The following MATN2 variants were observed in gnomAD, a reference collection of about 807,000 sequenced individuals.
The protein encoded by MATN2 is matrilin 2, also known as matrilin-2.
Under a neutral mutation model 103.2 loss-of-function variants are expected in MATN2, and 69 were observed. That is an observed-to-expected ratio of 0.67 (90% confidence interval 0.55 to 0.82). MATN2 has a LOEUF of 0.82. Ranked by LOEUF, MATN2 falls within the 40% of genes least tolerant of loss-of-function variation. The pLI is 0.00. For missense variants in MATN2, 1,023 were observed against 1,211.5 expected, an observed-to-expected ratio of 0.84 and a Z score of 2.31; for synonymous variants, 429 against 450.2, an observed-to-expected ratio of 0.95 and a Z score of 0.60.
intron 6 of MATN2, among the ~76,000 whole-genome samples, chr8:97,991,202 A>G (rs778291762): frequency 1.3e-5 from 2 of 152,210 alleles, no homozygotes; most frequent in Non-Finnish European, 2.9e-5. Context: ...GCCACTGAGC[A>G]CTTGAGATAC....
intron 17 of MATN2, 35 bp downstream of exon 17, chr8:98,033,211 T>C (rs1411178819): frequency 1.3e-6 from 2 of 1,554,258 alleles, no homozygotes; most frequent in Admixed American, 2.0e-5. Context: ...TAAGATAACT[T>C]GATCTCAGCC....
intron 4 of MATN2, among the ~76,000 whole-genome samples, chr8:97,946,402 G>C (rs942433201): frequency 1.7e-4 from 26 of 152,038 alleles, no homozygotes; most frequent in African/African-American, 5.3e-4. Flanking sequence ...CTTTCAAAAA[G>C]TCTTCCCTGT....
At chr8:98,025,165 T>G (rs1266375380) in intron 13 of MATN2, 1 of 152,206 alleles carries the variant, frequency 6.6e-6, no homozygotes, top group Non-Finnish European at 1.5e-5. Context: ...AAGCTTTGAG[T>G]TGGCCTTTTC....
intron 7 of MATN2, among the ~76,000 whole-genome samples, chr8:97,999,861 C>CTTTTTT (rs71271182): frequency 1.4e-5 from 2 of 138,434 alleles, no homozygotes; most frequent in Non-Finnish European, 3.1e-5. Flanking sequence ...GTCACGGATT[C>CTTTTTT]TTTTTTTTTT....
At chr8:97,881,326 C>CAGA (rs1818246833) in intron 1 of MATN2, among the ~76,000 whole-genome samples, 1 of 152,194 alleles carries the variant, frequency 6.6e-6, no homozygotes, top group African/African-American at 2.4e-5. Flanking sequence ...TGCAGGTGTG[C>CAGA]AGAACCAGGC....
At chr8:97,902,192 T>TA (rs1028995495) in intron 2 of MATN2, among the ~76,000 whole-genome samples, 7 of 147,508 alleles carry the variant, frequency 4.7e-5, no homozygotes, top group African/African-American at 7.5e-5. Flanking sequence ...TTTTTTTTTT[T>TA]AACAAAAAGT....
At chr8:98,022,350 C>T (rs1008019652) in intron 13 of MATN2, among the ~76,000 whole-genome samples, 2 of 115,424 alleles carry the variant, frequency 1.7e-5, no homozygotes, top group Admixed American at 2.0e-4. Flanking sequence ...AATGTGTATA[C>T]CCTTATGCAC....
intron 4 of MATN2, among the ~76,000 whole-genome samples, chr8:97,949,411 T>G (rs1820522804): frequency 2.0e-5 from 3 of 152,006 alleles, no homozygotes; most frequent in African/African-American, 7.2e-5. Flanking sequence ...TGAACTCAGA[T>G]CATCTGTCCA....
intron 1 of MATN2, among the ~76,000 whole-genome samples, chr8:97,874,555 G>A (rs1036201989): frequency 6.6e-6 from 1 of 151,842 alleles, no homozygotes; most frequent in Non-Finnish European, 1.5e-5. Context: ...CAAGGATTGT[G>A]CCACCATGTC....
chr8:97,895,746 G>A (rs139962255), intron 2 of MATN2, among the ~76,000 whole-genome samples: 2 of 152,332 alleles, frequency 1.3e-5, no homozygotes, highest in African/African-American at 2.4e-5. Flanking sequence ...GGGTTGGGAC[G>A]TGTTATCTCA....
At chr8:98,011,186 T>A (rs151100523) in intron 10 of MATN2, among the ~76,000 whole-genome samples, 4 of 152,268 alleles carry the variant, frequency 2.6e-5, no homozygotes, top group Non-Finnish European at 4.4e-5. Context: ...TCTCTTCTTA[T>A]AAGAACACTA....
intron 3 of MATN2, among the ~76,000 whole-genome samples, chr8:97,936,959 G>T (rs1459217824): frequency 6.6e-6 from 1 of 152,172 alleles, no homozygotes; most frequent in African/African-American, 2.4e-5. Flanking sequence ...AAAAGGAGGG[G>T]GGAGTGCATT....
intron 1 of MATN2, among the ~76,000 whole-genome samples, chr8:97,885,717 C>T (rs920439723): frequency 6.6e-5 from 10 of 151,930 alleles, no homozygotes; most frequent in Admixed American, 3.9e-4. Context: ...GGGGATCCCT[C>T]GAGCCTGGGA....
chr8:97,914,358 CTTTTTTTTTTTTTTTT>C lies in MATN2; in HGVS notation c.143-16580_143-16565del, dbSNP rs149996231. 1.5e-4 allele frequency among the ~76,000 whole-genome samples: 8 copies of C among 52,994 alleles called. No individual in the cohort carries two copies. The South Asian group carries it at 5.0e-3, about 33-fold the overall frequency. The allele number at this position is 52,994 out of a possible 152,430, so 34.8% of individuals were successfully genotyped here. On this transcript the variant is annotated intron_variant, in intron 2 of 18. Transcript: ENST00000254898. The stretch of plus-strand genomic sequence containing the variant: ...TCGTTTGTCCTAATAAAATCCAGAC[CTTTTTTTTTTTTTTTT>C]TTTTTTTTTTTTTTGGAACAGGGTC...
intron 7 of MATN2, among the ~76,000 whole-genome samples, chr8:97,995,212 G>C (rs1487783915): frequency 6.6e-6 from 1 of 152,176 alleles, no homozygotes; most frequent in Non-Finnish European, 1.5e-5. Flanking sequence ...CCATTCCTGA[G>C]AGACTGCTAG....
rs1162566448 is a variant in MATN2 at position 98,005,118 on chromosome 8, C to T, written c.1327+1335C>T. ...TCCACGCTGCCAGCAGGGAAGTTTC[C>T]CAGATGAAATAAGAGGTCCAGGGCA... On this transcript the variant is annotated intron_variant, in intron 8 of 18. Coordinates refer to ENST00000254898, the MANE Select transcript of MATN2 (RefSeq NM_002380.5). The surrounding 1 kb of genome is among the most constrained non-coding windows in gnomAD (Gnocchi z 4.6). 6.6e-6 allele frequency among the ~76,000 whole-genome samples: 1 copy of T among 152,184 alleles called. No individual in the cohort carries two copies. The highest frequency in any genetic ancestry group is 1.5e-5 in the Non-Finnish European group (1 of 68,018).
intron 10 of MATN2, among the ~76,000 whole-genome samples, chr8:98,008,596 C>T (rs1813053231): frequency 6.6e-6 from 1 of 152,194 alleles, no homozygotes; most frequent in African/African-American, 2.4e-5. Context: ...TGGATCTTAG[C>T]AAATGGGTTA....
chr8:97,911,534 C>T (rs1809436858), intron 2 of MATN2, among the ~76,000 whole-genome samples: 1 of 151,748 alleles, frequency 6.6e-6, no homozygotes, highest in African/African-American at 2.4e-5. Flanking sequence ...TGGTGACGCC[C>T]CGTCTCTACT....
intron 2 of MATN2, among the ~76,000 whole-genome samples, chr8:97,893,349 T>C (rs955159017): frequency 6.6e-6 from 1 of 152,124 alleles, no homozygotes; most frequent in African/African-American, 2.4e-5. Context: ...ACCCATCCCC[T>C]TCCACACTCC....
Sources: gnomAD v4.1 joint callset for allele counts (sites outside exome capture counted in the v4.1 genomes callset) on GRCh38, gnomAD v4.1.1 for gene constraint, Gnocchi (gnomAD v3.1) non-coding constraint, MANE v1.5 for transcripts, NCBI Gene and HGNC (gene_info 2026-07-23, HGNC 2026-07-21) for gene names.